The following CALCRL variants were observed in gnomAD, a reference collection of about 807,000 sequenced individuals.
CALCRL encodes calcitonin receptor like receptor.
In CALCRL, 27 loss-of-function variants were observed where a neutral mutation model predicts 60.4. That is an observed-to-expected ratio of 0.45 (90% CI 0.33 to 0.62). The LOEUF (loss-of-function observed/expected upper bound fraction) is 0.62. Ranked by LOEUF, CALCRL falls within the 20% of genes least tolerant of loss-of-function variation. The probability of loss-of-function intolerance (pLI) is 0.03; values close to 1 mark genes in which losing one functional copy is unlikely to be tolerated. For missense variants in CALCRL, 424 were observed against 540.7 expected (o/e 0.78, Z 2.14); for synonymous variants, 190 against 182.6 (o/e 1.04, Z -0.33).
intron 12 of CALCRL, among the ~76,000 whole-genome samples, chr2:187,354,401 T>C (rs763070690): frequency 6.6e-6 from 1 of 151,950 alleles, no homozygotes; most frequent in Non-Finnish European, 1.5e-5. Flanking sequence ...ATCTCTCAAC[T>C]TCCCCTCAAC....
At chr2:187,373,419 T>C (rs1237246345) in intron 8 of CALCRL, among the ~76,000 whole-genome samples, 1 of 152,230 alleles carries the variant, frequency 6.6e-6, no homozygotes, top group Non-Finnish European at 1.5e-5. Flanking sequence ...TACTTAACCA[T>C]AGTTTTTTCT....
intron 1 of CALCRL, among the ~76,000 whole-genome samples, chr2:187,412,552 T>C (rs1689412830): frequency 6.6e-6 from 1 of 152,210 alleles, no homozygotes; most frequent in Admixed American, 6.5e-5. Flanking sequence ...GGAAAATCTG[T>C]TTATTGTATT....
intron 1 of CALCRL, among the ~76,000 whole-genome samples, chr2:187,409,749 G>C (rs1415733605): frequency 6.6e-6 from 1 of 152,188 alleles, no homozygotes; most frequent in Non-Finnish European, 1.5e-5. Context: ...CTAATCTGGA[G>C]CATTAAGGAT....
chr2:187,375,008 C>T (rs1324520158), intron 8 of CALCRL, among the ~76,000 whole-genome samples: 2 of 151,460 alleles, frequency 1.3e-5, no homozygotes, highest in Non-Finnish European at 2.9e-5. Flanking sequence ...CGCGGTGGCT[C>T]ACGCCTGTAA....
chr2:187,378,818 T>C (rs1223566994), intron 8 of CALCRL, 122 bp downstream of exon 8: 5 of 570,488 alleles, frequency 8.8e-6, no homozygotes, highest in Admixed American at 2.8e-5. Flanking sequence ...TTTCAACTTA[T>C]TTTAAACATT....
chr2:187,379,937 A>G (rs1687917334), intron 7 of CALCRL, among the ~76,000 whole-genome samples: 1 of 152,192 alleles, frequency 6.6e-6, no homozygotes, highest in South Asian at 2.1e-4. Flanking sequence ...ATGCAAATAC[A>G]TGCAAGTGTT....
intron 14 of CALCRL, among the ~76,000 whole-genome samples, chr2:187,347,654 C>T (rs374383757): frequency 4.6e-5 from 7 of 151,698 alleles, no homozygotes; most frequent in Non-Finnish European, 1.0e-4. Context: ...TACACACACA[C>T]ACAAAACCTC....
chr2:187,384,000 CT>C (rs3836100), intron 4 of CALCRL, among the ~76,000 whole-genome samples: 103,809 of 151,966 alleles, frequency 0.68, 35,632 homozygotes, highest in East Asian at 0.87. Context: ...GAATAGACCT[CT>C]TTTTTAACAC....
At chr2:187,360,055 T>G (rs1360446990) in intron 10 of CALCRL, among the ~76,000 whole-genome samples, 1 of 152,108 alleles carries the variant, frequency 6.6e-6, no homozygotes, top group Non-Finnish European at 1.5e-5. Context: ...TAGTTATTTT[T>G]AATATGTCAG....
intron 1 of CALCRL, among the ~76,000 whole-genome samples, chr2:187,406,909 C>T (rs1355294347): frequency 5.3e-5 from 8 of 151,956 alleles, no homozygotes; most frequent in Admixed American, 3.9e-4. Flanking sequence ...TGTACAATAA[C>T]GCTAGTAGTG....
intron 8 of CALCRL, 59 bp downstream of exon 8, chr2:187,378,881 G>A: frequency 1.1e-6 from 1 of 897,364 alleles, no homozygotes; most frequent in South Asian, 1.4e-5. Flanking sequence ...ATATGCACAT[G>A]ATGGGGCATT....
At chr2:187,401,571 TGAGG>T (rs1182895658) in intron 1 of CALCRL, among the ~76,000 whole-genome samples, 3 of 151,612 alleles carry the variant, frequency 2.0e-5, no homozygotes, top group Non-Finnish European at 3.0e-5. Flanking sequence ...TGTACATAGT[TGAGG>T]GAAAAGATCT....
chr2:187,371,025 G>A (rs541576181), intron 8 of CALCRL, among the ~76,000 whole-genome samples: 2 of 152,044 alleles, frequency 1.3e-5, no homozygotes, highest in African/African-American at 2.4e-5. Context: ...GGCAGATCAC[G>A]AATTCAGGAG....
intron 8 of CALCRL, among the ~76,000 whole-genome samples, chr2:187,366,920 CCA>C (rs71017389): frequency 9.2e-5 from 9 of 97,596 alleles, no homozygotes; most frequent in African/African-American, 3.1e-4. Context: ...GAGTATAACC[CCA>C]CACACACACA....
intron 1 of CALCRL, among the ~76,000 whole-genome samples, chr2:187,410,508 A>C (rs1689311762): frequency 6.6e-6 from 1 of 152,190 alleles, no homozygotes. Flanking sequence ...CTTGTTTTGA[A>C]GCACTGGCTG....
intron 3 of CALCRL, among the ~76,000 whole-genome samples, chr2:187,385,885 G>C (rs919016570): frequency 6.6e-6 from 1 of 152,026 alleles, no homozygotes; most frequent in Non-Finnish European, 1.5e-5. Flanking sequence ...CAAGTAGATG[G>C]ATTACAGGTG....
At chr2:187,423,803 T>C (rs1690004190) in intron 1 of CALCRL, among the ~76,000 whole-genome samples, 1 of 152,038 alleles carries the variant, frequency 6.6e-6, no homozygotes, top group South Asian at 2.1e-4. Context: ...CCCAAATGAT[T>C]TGAAGTTAGA....
chr2:187,383,629 A>G (rs28475020), intron 4 of CALCRL, among the ~76,000 whole-genome samples: 3,481 of 152,208 alleles, frequency 0.023, 133 homozygotes, highest in African/African-American at 0.079. Flanking sequence ...ATGTCTTCCA[A>G]TCTGACCCGA....
Position 187,356,283 on chromosome 2 carries a change from G to C in CALCRL, c.909+2780C>G, listed in dbSNP as rs564549765. ...CTACAAGGCCACATTAGCCAAAACA[G>C]CATGGTACTGGTACCAAAACAGATA... On this transcript the variant is annotated intron_variant, in intron 12 of 14. Coordinates refer to ENST00000392370, the MANE Select transcript of CALCRL (RefSeq NM_005795.6). 5.3e-5 allele frequency among the ~76,000 whole-genome samples: 8 copies of C among 152,274 alleles called. No homozygotes were observed. In the South Asian group the frequency reaches 1.5e-3, roughly 28 times the overall value.
Sources: gnomAD v4.1 joint callset for allele counts (sites outside exome capture counted in the v4.1 genomes callset) on GRCh38, gnomAD v4.1.1 for gene constraint, MANE v1.5 for transcripts, NCBI Gene and HGNC (gene_info 2026-07-23, HGNC 2026-07-21) for gene names.